The following SORCS3 variants were observed in gnomAD, a reference collection of about 807,000 sequenced individuals.
SORCS3 encodes the protein sortilin related VPS10 domain containing receptor 3, also known as VPS10 domain-containing receptor SorCS3.
A neutral mutation model predicts 146.3 loss-of-function variants in SORCS3; 57 were observed. The observed-to-expected ratio is 0.39, with a 90% CI of 0.31 to 0.49. The LOEUF (loss-of-function observed/expected upper bound fraction) is 0.49. Among genes scored for constraint, SORCS3 ranks in the 20% least tolerant of loss-of-function variants. The probability of loss-of-function intolerance (pLI) is 0.92; values close to 1 mark genes in which losing one functional copy is unlikely to be tolerated. For synonymous variants in SORCS3, 653 were observed against 618.5 expected, an observed-to-expected ratio of 1.06 and a Z score of -0.83; for missense variants, 1,341 against 1,575.5, an observed-to-expected ratio of 0.85 and a Z score of 2.52.
At position 105,183,336 on chromosome 10, in the gene SORCS3, A is replaced by G. The variant is rs1484263597; in HGVS notation, c.2009+5163A>G. 2.0e-5 allele frequency among the ~76,000 whole-genome samples: 3 copies of G among 152,092 alleles called. No homozygotes were observed. The East Asian group carries it at 5.8e-4, about 29-fold the overall frequency. ...GGTAGAAAGATCATTTTGCTTAGAA[A>G]ATTATGCAAACCCCAAAGCTGCAGA... On this transcript the variant is annotated intron_variant, in intron 14 of 26. Coordinates refer to ENST00000369701, the MANE Select transcript of SORCS3 (RefSeq NM_014978.3).
chr10:105,202,560 A>G (rs1270818200), intron 16 of SORCS3, among the ~76,000 whole-genome samples: 1 of 152,112 alleles, frequency 6.6e-6, no homozygotes, highest in Non-Finnish European at 1.5e-5. Flanking sequence ...TCTCCTTAGT[A>G]TTAATTGCCG....
intron 1 of SORCS3, among the ~76,000 whole-genome samples, chr10:104,778,266 C>T (rs1012074456): frequency 2.6e-5 from 4 of 152,158 alleles, no homozygotes; most frequent in East Asian, 1.9e-4. Context: ...ATTCTAGGCC[C>T]GGTTCCATAC....
chr10:104,804,622 G>A (rs2017661812), intron 1 of SORCS3, among the ~76,000 whole-genome samples: 1 of 152,220 alleles, frequency 6.6e-6, no homozygotes, highest in Non-Finnish European at 1.5e-5. Context: ...CCAGGGCATA[G>A]TGCAGTCCTG....
intron 2 of SORCS3, among the ~76,000 whole-genome samples, chr10:104,863,415 G>A (rs2018426624): frequency 6.6e-6 from 1 of 152,148 alleles, no homozygotes; most frequent in Admixed American, 6.5e-5. Context: ...CCTAGGATGT[G>A]TTCTGTTTTC....
intron 7 of SORCS3, among the ~76,000 whole-genome samples, chr10:105,137,997 A>G (rs2056070202): frequency 6.6e-6 from 1 of 151,592 alleles, no homozygotes; most frequent in Non-Finnish European, 1.5e-5. Flanking sequence ...CAACCTATTG[A>G]TCTTAATATA....
At chr10:105,160,497 C>T (rs2056253039) in intron 11 of SORCS3, among the ~76,000 whole-genome samples, 1 of 152,062 alleles carries the variant, frequency 6.6e-6, no homozygotes, top group Non-Finnish European at 1.5e-5. Context: ...TGTGGTGGTG[C>T]ATGCCTGTAG....
intron 4 of SORCS3, among the ~76,000 whole-genome samples, chr10:105,009,799 T>C (rs2055122136): frequency 6.6e-6 from 1 of 152,156 alleles, no homozygotes; most frequent in Non-Finnish European, 1.5e-5. Flanking sequence ...AGCTTTTCTT[T>C]GTAGTACAAC....
At chr10:105,190,365 C>G (rs79146276) in intron 14 of SORCS3, among the ~76,000 whole-genome samples, 1,637 of 152,170 alleles carry the variant, frequency 0.011, 38 homozygotes, top group South Asian at 0.048. Context: ...GTTAGCATAC[C>G]CTCAGTGTTC....
chr10:104,796,370 G>A (rs1326036109), intron 1 of SORCS3, among the ~76,000 whole-genome samples: 1 of 151,774 alleles, frequency 6.6e-6, no homozygotes, highest in Non-Finnish European at 1.5e-5. Flanking sequence ...ATCCCTTTAG[G>A]ATATCAAGGA....
At chr10:105,154,931 G>T (rs1351565221) in intron 9 of SORCS3, among the ~76,000 whole-genome samples, 1 of 152,180 alleles carries the variant, frequency 6.6e-6, no homozygotes, top group African/African-American at 2.4e-5. Context: ...CCAAAAAAGT[G>T]ATTCAGTAAT....
intron 25 of SORCS3, among the ~76,000 whole-genome samples, chr10:105,260,435 A>G (rs376425487): frequency 1.3e-5 from 2 of 152,224 alleles, no homozygotes; most frequent in African/African-American, 4.8e-5. Context: ...TAATTATACC[A>G]CATTTAGAGA....
intron 5 of SORCS3, among the ~76,000 whole-genome samples, chr10:105,085,285 G>T (rs376112486): frequency 6.6e-6 from 1 of 152,244 alleles, no homozygotes; most frequent in Non-Finnish European, 1.5e-5. Context: ...GAAGGTGGGC[G>T]GCGGCTTCCC....
chr10:104,671,325 C>CTTTTTGTTTTTTTTTT (rs2015850261), intron 1 of SORCS3, among the ~76,000 whole-genome samples: 1 of 19,194 alleles, frequency 5.2e-5, no homozygotes, highest in African/African-American at 1.9e-4. Context: ...CATTCTTTTC[C>CTTTTTGTTTTTTTTTT]TTTTTTTTTT....
At chr10:105,067,400 G>A (rs747358714) in intron 5 of SORCS3, among the ~76,000 whole-genome samples, 7 of 152,156 alleles carry the variant, frequency 4.6e-5, no homozygotes, top group Non-Finnish European at 7.4e-5. Flanking sequence ...GGTGGCAGGC[G>A]CCGGTATTCC....
intron 3 of SORCS3, among the ~76,000 whole-genome samples, chr10:104,939,658 T>C (rs903228872): frequency 6.6e-6 from 1 of 152,156 alleles, no homozygotes; most frequent in Non-Finnish European, 1.5e-5. Flanking sequence ...GTGAAGTAAC[T>C]GCCCTCACCA....
chr10:105,134,357 T>A (rs544310986), intron 7 of SORCS3, among the ~76,000 whole-genome samples: 1 of 152,196 alleles, frequency 6.6e-6, no homozygotes, highest in South Asian at 2.1e-4. Flanking sequence ...CCGCTGGTCA[T>A]CTGCCAGAAG....
At chr10:104,648,555 A>T (rs1052057421) in intron 1 of SORCS3, among the ~76,000 whole-genome samples, 1 of 152,024 alleles carries the variant, frequency 6.6e-6, no homozygotes, top group Non-Finnish European at 1.5e-5. Flanking sequence ...CTGCCCACCC[A>T]CCGCGGTGGC....
At chr10:104,776,326 G>T (rs1056210787) in intron 1 of SORCS3, among the ~76,000 whole-genome samples, 1 of 152,090 alleles carries the variant, frequency 6.6e-6, no homozygotes, top group Admixed American at 6.5e-5. Context: ...GCTCCCCAAG[G>T]TTGGGGAATT....
At position 104,858,624 on chromosome 10, in the gene SORCS3, CT is replaced by C. The variant is rs775216095; in HGVS notation, c.695+15780del. ...TGTCAGATTTGTTAAGAGAAGTGTA[CT>C]TTTTTTTTTTTTTTGAGACGGAGTC... On this transcript the variant is annotated intron_variant, in intron 2 of 26. Coordinates refer to ENST00000369701, the MANE Select transcript of SORCS3 (RefSeq NM_014978.3). 6.8e-3 allele frequency among the ~76,000 whole-genome samples: 957 copies of C among 141,442 alleles called. 12 individuals carry two copies. The highest frequency in any genetic ancestry group is 0.02 in the African/African-American group (776 of 38,704). 92.8% of individuals were successfully genotyped at this position (141,442 alleles called of 152,430 possible).
Sources: gnomAD v4.1 joint callset for allele counts (sites outside exome capture counted in the v4.1 genomes callset) on GRCh38, gnomAD v4.1.1 for gene constraint, MANE v1.5 for transcripts, NCBI Gene and HGNC (gene_info 2026-07-23, HGNC 2026-07-21) for gene names.